Variants in FOXP1 observed in about 807,000 individuals in gnomAD.
FOXP1 encodes forkhead box protein P1.
Under a neutral mutation model 98.2 loss-of-function variants are expected in FOXP1, and 15 were observed. The ratio of observed to expected loss-of-function variants is 0.15; its 90% CI spans 0.10 to 0.24. FOXP1 has a LOEUF of 0.24. Among genes scored for constraint, FOXP1 ranks in the 10% least tolerant of loss-of-function variants. The pLI, the probability that FOXP1 is intolerant of heterozygous loss-of-function variation, is 1.00. For synonymous variants in FOXP1, 371 were observed against 314.5 expected (o/e 1.18, Z -1.90); for missense variants, 633 against 848.5 (o/e 0.75, Z 3.15).
chr3:71,195,280 T>C (rs569704128), intron 6 of FOXP1, among the ~76,000 whole-genome samples: 1 of 152,308 alleles, frequency 6.6e-6, no homozygotes, highest in South Asian at 2.1e-4. Flanking sequence ...AGTGAATCTT[T>C]GTCAGGGCCC....
intron 3 of FOXP1, among the ~76,000 whole-genome samples, chr3:71,397,023 T>TATGTGTGTATATATATAC: frequency 4.2e-5 from 1 of 24,064 alleles, no homozygotes; most frequent in Admixed American, 3.5e-4. Flanking sequence ...TATATATATA[T>TATGTGTGTATATATATAC]ACATATATAT....
At chr3:71,341,964 A>G (rs2077035855) in intron 4 of FOXP1, among the ~76,000 whole-genome samples, 1 of 152,250 alleles carries the variant, frequency 6.6e-6, no homozygotes, top group African/African-American at 2.4e-5. Flanking sequence ...GAGGAAACTG[A>G]GATCACATAA....
intron 5 of FOXP1, among the ~76,000 whole-genome samples, chr3:71,247,076 C>CG (rs1340226216): frequency 7.0e-6 from 1 of 143,596 alleles, no homozygotes; most frequent in Non-Finnish European, 1.5e-5. Flanking sequence ...TGAAATGGGC[C>CG]AGTGATCTCA....
At chr3:71,503,601 G>C in intron 2 of FOXP1, among the ~76,000 whole-genome samples, 1 of 75,716 alleles carries the variant, frequency 1.3e-5, no homozygotes, top group African/African-American at 5.7e-5. Flanking sequence ...ACTCTGTCTC[G>C]AAAAAAAAAA....
chr3:71,465,389 G>T (rs1163571986), intron 3 of FOXP1, among the ~76,000 whole-genome samples: 1 of 151,776 alleles, frequency 6.6e-6, no homozygotes, highest in Non-Finnish European at 1.5e-5. Context: ...TCATAACAAT[G>T]CTATGAAGTG....
intron 5 of FOXP1, among the ~76,000 whole-genome samples, chr3:71,215,936 A>T (rs1238172456): frequency 6.6e-6 from 1 of 152,166 alleles, no homozygotes; most frequent in Non-Finnish European, 1.5e-5. Context: ...TTTCAGCAGC[A>T]TTTCTCCTTT....
chr3:71,066,273 T>C (rs1233621414), intron 7 of FOXP1, among the ~76,000 whole-genome samples: 1 of 152,170 alleles, frequency 6.6e-6, no homozygotes, highest in Non-Finnish European at 1.5e-5. Flanking sequence ...GAGCAGACAA[T>C]TCCCTCTTTA....
intron 20 of FOXP1, among the ~76,000 whole-genome samples, chr3:70,965,578 G>C (rs557033339): frequency 1.3e-5 from 2 of 152,130 alleles, no homozygotes; most frequent in African/African-American, 2.4e-5. Flanking sequence ...TCATAGGAAT[G>C]CATATTAGTT....
intron 2 of FOXP1, among the ~76,000 whole-genome samples, chr3:71,509,231 A>C (rs532779346): frequency 6.6e-6 from 1 of 152,324 alleles, no homozygotes; most frequent in South Asian, 2.1e-4. Flanking sequence ...CCAGTACAAG[A>C]GACTGGGTGG....
chr3:71,485,602 C>G (rs1193012278), intron 3 of FOXP1, among the ~76,000 whole-genome samples: 1 of 152,078 alleles, frequency 6.6e-6, no homozygotes, highest in Non-Finnish European at 1.5e-5. Context: ...AACCCCATCT[C>G]TACTAAAAAT....
chr3:71,034,419 A>T (rs1380715723), intron 11 of FOXP1, among the ~76,000 whole-genome samples: 3 of 152,120 alleles, frequency 2.0e-5, no homozygotes, highest in African/African-American at 7.2e-5. Context: ...CTGTATGGTC[A>T]CTAACTAGCT....
chr3:71,089,961 G>A (rs2055610903), intron 7 of FOXP1, among the ~76,000 whole-genome samples: 1 of 152,156 alleles, frequency 6.6e-6, no homozygotes, highest in South Asian at 2.1e-4. Flanking sequence ...TATGTATATT[G>A]CTTGAACTTC....
intron 3 of FOXP1, among the ~76,000 whole-genome samples, chr3:71,412,958 A>G (rs143072239): frequency 1.6e-4 from 24 of 152,272 alleles, no homozygotes; most frequent in Middle Eastern, 3.4e-3. Context: ...TAAGAGTTTA[A>G]AAAAAGGAGG....
At chr3:71,209,924 A>C (rs556363510) in intron 5 of FOXP1, among the ~76,000 whole-genome samples, 4 of 152,368 alleles carry the variant, frequency 2.6e-5, no homozygotes, top group African/African-American at 9.6e-5. Context: ...TTGGTAATTT[A>C]TCTATATCTT....
chr3:71,134,233 C>G (rs987795689), intron 6 of FOXP1, among the ~76,000 whole-genome samples: 22 of 152,174 alleles, frequency 1.4e-4, no homozygotes, highest in Non-Finnish European at 1.9e-4. Flanking sequence ...AATAATTATT[C>G]AAAAACGGTG....
chr3:71,385,929 C>G (rs2080539941), intron 3 of FOXP1, among the ~76,000 whole-genome samples: 1 of 152,132 alleles, frequency 6.6e-6, no homozygotes, highest in Admixed American at 6.5e-5. Context: ...ATTTCATCAC[C>G]TTCCAAAAGA....
intron 7 of FOXP1, among the ~76,000 whole-genome samples, chr3:71,062,912 C>T (rs1559848682): frequency 6.6e-6 from 1 of 152,168 alleles, no homozygotes; most frequent in Non-Finnish European, 1.5e-5. Context: ...CTATGTGCCC[C>T]TTTACCTAGT....
chr3:71,064,065 T>G (rs758693543), intron 7 of FOXP1, among the ~76,000 whole-genome samples: 11 of 152,072 alleles, frequency 7.2e-5, no homozygotes, highest in Non-Finnish European at 1.5e-4. Context: ...CTGCTGCACG[T>G]CCAAACCCAA....
intron 2 of FOXP1, among the ~76,000 whole-genome samples, chr3:71,525,483 T>G (rs951198479): frequency 1.3e-5 from 2 of 152,160 alleles, no homozygotes; most frequent in African/African-American, 4.8e-5. Flanking sequence ...ATCAACTGGA[T>G]TTGTGGCCCT....
Sources: allele counts gnomAD v4.1 joint callset (sites outside exome capture counted in the v4.1 genomes callset), GRCh38; gene constraint gnomAD v4.1.1; transcripts MANE v1.5; gene names NCBI Gene and HGNC (gene_info 2026-07-23, HGNC 2026-07-21).